RPH3AL: variants seen among roughly 807,000 people sequenced by gnomAD.
The protein encoded by RPH3AL is rab effector Noc2.
A neutral mutation model predicts 43.1 loss-of-function variants in RPH3AL; 38 were observed. The observed-to-expected ratio is 0.88, with a 90% CI of 0.68 to 1.15. The LOEUF is 1.15. RPH3AL is among the 50% of genes most tolerant of loss of function. The pLI is 0.00. For missense variants in RPH3AL, 462 were observed against 423.2 expected (o/e 1.09, Z -0.81); for synonymous variants, 189 against 176.3 (o/e 1.07, Z -0.57).
chr17:244,406 G>A lies in RPH3AL; in HGVS notation c.613+2705C>T, dbSNP rs149298197. ...GAGCCTAAGAGATGTGGGATGTAGG[G>A]AGAGGGAGAGAGGGAGAGAAGGGAA... On this transcript the variant is annotated intron_variant, in intron 7 of 9. Coordinates refer to ENST00000331302, the MANE Select transcript of RPH3AL (RefSeq NM_006987.4). Among the ~76,000 whole-genome samples the A allele has an allele frequency of 3.8e-3, 576 of 152,120 alleles. 2 individuals are homozygous for A. The highest frequency in any genetic ancestry group is 6.8e-3 in the Middle Eastern group (2 of 294).
At chr17:277,094 G>T (rs72631435) in intron 6 of RPH3AL, among the ~76,000 whole-genome samples, 13,399 of 152,152 alleles carry the variant, frequency 0.088, 1,126 homozygotes, top group East Asian at 0.42. Context: ...TCTAAGGATA[G>T]AATCTAAAAT....
Position 323,547 on chromosome 17 carries a change from G to T in RPH3AL, c.78-2132C>A, listed in dbSNP as rs1304790017. 1.3e-5 allele frequency among the ~76,000 whole-genome samples: 2 copies of T among 152,188 alleles called. No individual in the cohort carries two copies. Among genetic ancestry groups the T allele is most frequent in the Non-Finnish European group, 2.9e-5 (2 of 68,022 alleles). On this transcript the variant is annotated intron_variant, in intron 3 of 9. Coordinates refer to ENST00000331302, the MANE Select transcript of RPH3AL (RefSeq NM_006987.4). This position sits in a 1 kb window ranked among gnomAD's most constrained non-coding sequence, Gnocchi z 4.4. ...AGTGATGGGCCAGGACACACTTCGT[G>T]TGGTTCCCGGGCCAGGGGAAGGGAG...
intron 5 of RPH3AL, among the ~76,000 whole-genome samples, chr17:313,867 G>C (rs1469630428): frequency 6.6e-6 from 1 of 152,098 alleles, no homozygotes; most frequent in Non-Finnish European, 1.5e-5. Context: ...CCACCATCCA[G>C]CTGTGCTCCC....
chr17:290,030 C>T lies in RPH3AL; in HGVS notation c.352-8176G>A, dbSNP rs1053815371. 1.3e-5 allele frequency among the ~76,000 whole-genome samples: 2 copies of T among 152,234 alleles called. No homozygotes were observed. The highest frequency in any genetic ancestry group is 4.8e-5 in the African/African-American group (2 of 41,454). On this transcript the variant is annotated intron_variant, in intron 5 of 9. Coordinates refer to ENST00000331302, the MANE Select transcript of RPH3AL (RefSeq NM_006987.4). The surrounding 1 kb of genome is among the most constrained non-coding windows in gnomAD (Gnocchi z 4.2). ...TCTATTTCTGTTCACCCTCCTGCTC[C>T]CTGTGCCCGGCACAGTGACTATTTG...
At chr17:313,620 T>G (rs1260508254) in intron 5 of RPH3AL, among the ~76,000 whole-genome samples, 1 of 152,016 alleles carries the variant, frequency 6.6e-6, no homozygotes, top group Admixed American at 6.6e-5. Context: ...TTCAACAGAG[T>G]CCTCGGTGTA....
chr17:281,697 G>T, intron 6 of RPH3AL, 71 bp downstream of exon 6: 1 of 495,986 alleles, frequency 2.0e-6, no homozygotes, highest in Non-Finnish European at 3.5e-6. Context: ...CACCCTGACC[G>T]TCCACCCATC....
chr17:266,252 G>C lies in RPH3AL; in HGVS notation c.438+15516C>G, dbSNP rs782398131. ...TGTGCGTGCACCTGCATGCATGCTG[G>C]TGAGCCAGGGAGAAAGCCCCCATCA... On this transcript the variant is annotated intron_variant, in intron 6 of 9. Coordinates refer to ENST00000331302, the MANE Select transcript of RPH3AL (RefSeq NM_006987.4). 1.1e-4 allele frequency among the ~76,000 whole-genome samples: 17 copies of C among 151,772 alleles called. 1 individual carries two copies. Among genetic ancestry groups the C allele is most frequent in the Non-Finnish European group, 1.9e-4 (13 of 67,844 alleles).
At chr17:270,847 G>C (rs766844632) in intron 6 of RPH3AL, among the ~76,000 whole-genome samples, 37 of 152,276 alleles carry the variant, frequency 2.4e-4, no homozygotes, top group African/African-American at 5.3e-4. Context: ...TGAAGTCCTT[G>C]CCCATGCCTA....
In RPH3AL at chr17:345,659, ACGCG is replaced by A. The variant is rs2045221521; in HGVS notation, c.-213+7049_-213+7052del. 2.6e-5 allele frequency among the ~76,000 whole-genome samples: 2 copies of A among 76,868 alleles called. 1 individual carries two copies. 50.4% of individuals were successfully genotyped at this position (76,868 alleles called of 152,430 possible). On this transcript the variant is annotated intron_variant, in intron 1 of 9. Coordinates refer to ENST00000331302, the MANE Select transcript of RPH3AL (RefSeq NM_006987.4). ...ATCTGCACGCACACCCTGCTGGGGC[ACGCG>A]TGCTCCCCATCTGCGCGCACACCCT...
rs2041790911 is a variant in RPH3AL, at chr17:247,289, A to G, written c.439-4T>C. ...AGGCCCCCGACCTCTTCCAGACCTGAGTGGGGGAAGAGAGCTGCTTGGGGC... is the reference window on the plus strand; with the variant it reads ...AGGCCCCCGACCTCTTCCAGACCTGGGTGGGGGAAGAGAGCTGCTTGGGGC... On this transcript the variant is annotated splice_polypyrimidine_tract_variant and splice_region_variant and intron_variant, in intron 6 of 9. Transcript: ENST00000331302. 6.4e-7 allele frequency: 1 copy of G among 1,565,758 alleles called. No individual in the cohort carries two copies. Among genetic ancestry groups the G allele is most frequent in the African/African-American group, 1.4e-5 (1 of 73,666 alleles).
intron 2 of RPH3AL, among the ~76,000 whole-genome samples, chr17:327,982 G>A (rs923912487): frequency 6.6e-6 from 1 of 152,186 alleles, no homozygotes; most frequent in Non-Finnish European, 1.5e-5. Flanking sequence ...GGGCTGGGCT[G>A]GGGGGTGATG....
At chr17:336,987 G>A (rs1361300291) in intron 1 of RPH3AL, among the ~76,000 whole-genome samples, 4 of 152,222 alleles carry the variant, frequency 2.6e-5, no homozygotes, top group Admixed American at 6.5e-5. Flanking sequence ...ATTTCATTCC[G>A]CCCGCATCCT....
In RPH3AL at chr17:215,226, G is replaced by A. The variant is rs1217868389; in HGVS notation, c.876+428C>T. ...CTCACCCCCGCCACAGGATGATCCT[G>A]GGCCAACCAGGGCTGGGCCCAGCAG... On this transcript the variant is annotated intron_variant, in intron 9 of 9. Coordinates refer to ENST00000331302, the MANE Select transcript of RPH3AL (RefSeq NM_006987.4). The surrounding 1 kb of genome is among the most constrained non-coding windows in gnomAD (Gnocchi z 4.1). 6.6e-6 allele frequency among the ~76,000 whole-genome samples: 1 copy of A among 152,146 alleles called. No individual in the cohort carries two copies. Among genetic ancestry groups the A allele is most frequent in the Non-Finnish European group, 1.5e-5 (1 of 68,028 alleles).
Position 243,545 on chromosome 17 carries a change from C to A in RPH3AL, c.613+3566G>T, listed in dbSNP as rs754155977. On this transcript the variant is annotated intron_variant, in intron 7 of 9. Transcript: ENST00000331302. The stretch of plus-strand genomic sequence containing the variant: ...TGATTACCTTTCCTCTATTGATTAC[C>A]TTCCTCTACTGATTGCCCCTCCTCT... Among the ~76,000 whole-genome samples, 74 of 144,482 alleles carry A rather than the reference C, an allele frequency of 5.1e-4. 2 individuals are homozygous for A. The highest frequency in any genetic ancestry group is 9.6e-4 in the Non-Finnish European group (63 of 65,606). The allele number at this position is 144,482 out of a possible 152,430, so 94.8% of individuals were successfully genotyped here. A position where few individuals can be genotyped will look rare whatever the true frequency, so the allele number is the denominator to read the frequency against.
intron 5 of RPH3AL, among the ~76,000 whole-genome samples, chr17:311,918 CTG>C (rs1203026239): frequency 6.6e-6 from 1 of 152,070 alleles, no homozygotes; most frequent in Non-Finnish European, 1.5e-5. Context: ...CCCAGAGTGA[CTG>C]TATTTGGAGA....
chr17:219,624 T>G lies in RPH3AL; in HGVS notation c.726A>C (p.Ser242=), dbSNP rs778942503. The G allele has an allele frequency of 6.7e-7, 1 of 1,496,560 alleles. No individual in the cohort carries two copies. The highest frequency in any genetic ancestry group is 1.1e-5 in the South Asian group (1 of 89,310). 92.7% of individuals were successfully genotyped at this position (1,496,560 alleles called of 1,614,324 possible). A position where few individuals can be genotyped will look rare whatever the true frequency, so the allele number is the denominator to read the frequency against. ...DRKGDKPWKE[S]GGSVEAPRMG... is the part of the protein sequence containing the mutation. ...GCAGCATTTCACTCCCCACCTTACCTGACTCCTTCCAGGGTTTGTCGCCTT... is the reference window on the plus strand; with the variant it reads ...GCAGCATTTCACTCCCCACCTTACCGGACTCCTTCCAGGGTTTGTCGCCTT... The change falls in exon 8 of 10, where the codon TCA becomes TCC. Residue 242 remains serine (S), a splice_region_variant and synonymous_variant. Transcript: ENST00000331302.
At chr17:216,867 G>C (rs894787604) in intron 8 of RPH3AL, among the ~76,000 whole-genome samples, 4 of 152,182 alleles carry the variant, frequency 2.6e-5, no homozygotes, top group Non-Finnish European at 5.9e-5. Flanking sequence ...GGTCACAGGA[G>C]AGGGGGGTGG....
intron 6 of RPH3AL, among the ~76,000 whole-genome samples, chr17:278,714 G>A (rs1365103112): frequency 6.6e-6 from 1 of 152,076 alleles, no homozygotes; most frequent in Non-Finnish European, 1.5e-5. Flanking sequence ...GAATTTACTG[G>A]GTTTGTGGTC....
At chr17:241,721 C>CTTTTTTTTTTTTTTT (rs58397357) in intron 7 of RPH3AL, among the ~76,000 whole-genome samples, 1 of 134,012 alleles carries the variant, frequency 7.5e-6, no homozygotes, top group Non-Finnish European at 1.6e-5. Context: ...CTTTTTTTTT[C>CTTTTTTTTTTTTTTT]TTTTTTTTTT....
Sources: gnomAD v4.1 joint callset for allele counts (sites outside exome capture counted in the v4.1 genomes callset) on GRCh38, gnomAD v4.1.1 for gene constraint, Gnocchi (gnomAD v3.1) non-coding constraint, MANE v1.5 for transcripts, NCBI Gene and HGNC (gene_info 2026-07-23, HGNC 2026-07-21) for gene names.